CA10: variants seen among roughly 807,000 people sequenced by gnomAD.
CA10 encodes the protein carbonic anhydrase 10 (inactive).
Under a neutral mutation model 44.2 loss-of-function variants are expected in CA10, and 14 were observed. That is an observed-to-expected ratio of 0.32 (90% CI 0.21 to 0.50). CA10 has a LOEUF of 0.50. Ranked by LOEUF, CA10 falls within the 20% of genes least tolerant of loss-of-function variation. CA10 has a pLI of 0.99. For synonymous variants in CA10, 159 were observed against 141.6 expected (o/e 1.12, Z -0.87); for missense variants, 350 against 409.7 (o/e 0.85, Z 1.26).
intron 2 of CA10, among the ~76,000 whole-genome samples, chr17:51,959,524 C>T (rs1165161099): frequency 6.6e-6 from 1 of 151,832 alleles, no homozygotes; most frequent in African/African-American, 2.4e-5. Flanking sequence ...AAAAAGTACA[C>T]CTAATTTTGT....
In CA10 at chr17:51,919,712, C is replaced by A. The variant is rs187286436; in HGVS notation, c.279+11278G>T. The stretch of plus-strand genomic sequence containing the variant: ...TGTCGCCCAGGTTGGAGTGCAGTGG[C>A]ACGATCTCTGCTCACTGCAACCTCC... On this transcript the variant is annotated intron_variant, in intron 3 of 8. Coordinates refer to ENST00000451037, the MANE Select transcript of CA10 (RefSeq NM_020178.5). Among the ~76,000 whole-genome samples, 323 of 152,260 alleles carry A rather than the reference C, an allele frequency of 2.1e-3. 5 individuals carry two copies. The highest frequency in any genetic ancestry group is 0.021 in the Admixed American group (316 of 15,298).
At chr17:51,682,847 C>T (rs1227046784) in intron 4 of CA10, among the ~76,000 whole-genome samples, 2 of 152,182 alleles carry the variant, frequency 1.3e-5, no homozygotes, top group African/African-American at 4.8e-5. Context: ...GTAGCAGGCA[C>T]AGTGGCGGGT....
intron 2 of CA10, among the ~76,000 whole-genome samples, chr17:51,937,491 G>A (rs1379177650): frequency 2.0e-5 from 3 of 152,180 alleles, no homozygotes; most frequent in Admixed American, 6.5e-5. Flanking sequence ...GCACATGGAG[G>A]GTCTTTAACT....
intron 2 of CA10, among the ~76,000 whole-genome samples, chr17:52,022,410 A>C (rs9910040): frequency 0.33 from 50,080 of 151,992 alleles, 10,036 homozygotes; most frequent in East Asian, 0.74. Context: ...ACATCCCTTC[A>C]TGATAAAAAC....
intron 1 of CA10, among the ~76,000 whole-genome samples, chr17:52,141,207 A>AG (rs1989472541): frequency 6.6e-6 from 1 of 152,132 alleles, no homozygotes; most frequent in African/African-American, 2.4e-5. Context: ...GAGCTACTCT[A>AG]AGCTCCTCTG....
rs181602475 is a variant in CA10, at chr17:51,692,277, T to C, written c.466-38541A>G. 4.8e-3 allele frequency among the ~76,000 whole-genome samples: 718 copies of C among 150,676 alleles called. 9 individuals are homozygous for C. The highest frequency in any genetic ancestry group is 0.017 in the African/African-American group (680 of 40,928). ...TGGTAGCTATTGTAAATGGGATTGA[T>C]TTCTTGATTCCTTTTTCAGATTGAT... On this transcript the variant is annotated intron_variant, in intron 4 of 8. Coordinates refer to ENST00000451037, the MANE Select transcript of CA10 (RefSeq NM_020178.5).
At chr17:51,942,537 A>ATT (rs201549820) in intron 2 of CA10, among the ~76,000 whole-genome samples, 3 of 71,494 alleles carry the variant, frequency 4.2e-5, no homozygotes, top group Admixed American at 1.3e-4. Flanking sequence ...TCTTGCAGGC[A>ATT]TTATATATAT....
intron 3 of CA10, among the ~76,000 whole-genome samples, chr17:51,802,593 C>G (rs534878940): frequency 3.5e-5 from 5 of 142,790 alleles, no homozygotes; most frequent in African/African-American, 1.3e-4. Flanking sequence ...AAAAAACAAC[C>G]AGAAGCACTC....
chr17:52,079,722 T>C (rs1162957586), intron 1 of CA10, among the ~76,000 whole-genome samples: 1 of 151,990 alleles, frequency 6.6e-6, no homozygotes, highest in Admixed American at 6.6e-5. Flanking sequence ...GATGGAAGAG[T>C]ACCAGGAGCT....
intron 2 of CA10, among the ~76,000 whole-genome samples, chr17:52,021,169 G>T (rs963822515): frequency 2.0e-5 from 3 of 152,050 alleles, no homozygotes; most frequent in African/African-American, 7.2e-5. Context: ...CATTTTTTAA[G>T]AATTAAAGCG....
At chr17:52,036,147 G>A (rs989897675) in intron 2 of CA10, among the ~76,000 whole-genome samples, 2 of 152,168 alleles carry the variant, frequency 1.3e-5, no homozygotes, top group African/African-American at 4.8e-5. Flanking sequence ...ATGTGGGGGT[G>A]TCCACCGTTA....
At chr17:51,665,115 C>G (rs9890118) in intron 4 of CA10, among the ~76,000 whole-genome samples, 97,921 of 152,062 alleles carry the variant, frequency 0.64, 31,779 homozygotes, top group Middle Eastern at 0.68. Context: ...TATTAGATAA[C>G]AGAGGAGGGT....
chr17:51,972,020 T>A (rs190578974), intron 2 of CA10, among the ~76,000 whole-genome samples: 1,647 of 152,130 alleles, frequency 0.011, 11 homozygotes, highest in Non-Finnish European at 0.014. Context: ...ACAATTTTTT[T>A]AATTTCAAAT....
intron 2 of CA10, among the ~76,000 whole-genome samples, chr17:52,055,963 A>C (rs1000210118): frequency 6.6e-6 from 1 of 152,090 alleles, no homozygotes; most frequent in African/African-American, 2.4e-5. Flanking sequence ...AAGCTGACCA[A>C]ATTCTTGGAA....
At chr17:52,007,293 A>T (rs1483169472) in intron 2 of CA10, among the ~76,000 whole-genome samples, 19 of 151,572 alleles carry the variant, frequency 1.3e-4, no homozygotes, top group Admixed American at 1.3e-3. Context: ...GTAGCCTTGA[A>T]TATCTTATAT....
At chr17:51,699,323 CA>C (rs35215515) in intron 4 of CA10, among the ~76,000 whole-genome samples, 2,832 of 128,738 alleles carry the variant, frequency 0.022, 69 homozygotes, top group African/African-American at 0.07. Flanking sequence ...AACTCCATCT[CA>C]AAAAAAAAAA....
intron 4 of CA10, among the ~76,000 whole-genome samples, chr17:51,733,258 C>T (rs751423451): frequency 6.6e-6 from 1 of 152,166 alleles, no homozygotes; most frequent in Non-Finnish European, 1.5e-5. Flanking sequence ...ACCTGGTCCT[C>T]CCCAAATTGC....
chr17:51,703,815 C>T lies in CA10; in HGVS notation c.465+43818G>A, dbSNP rs75211366. Among the ~76,000 whole-genome samples the T allele has an allele frequency of 6.8e-3, 1,043 of 152,274 alleles. 16 individuals carry two copies. The highest frequency in any genetic ancestry group is 0.024 in the African/African-American group (1,006 of 41,562). On this transcript the variant is annotated intron_variant, in intron 4 of 8. Coordinates refer to ENST00000451037, the MANE Select transcript of CA10 (RefSeq NM_020178.5). ...ATTTGGAAAGTTAGCAAGCTAGGCT[C>T]CTTTCCAGGAAAAATAAGGAGTCAG... is the stretch of plus-strand genomic sequence containing the variant.
At chr17:51,926,494 T>G (rs1291102011) in intron 3 of CA10, among the ~76,000 whole-genome samples, 1 of 152,172 alleles carries the variant, frequency 6.6e-6, no homozygotes, top group Non-Finnish European at 1.5e-5. Context: ...GAACTCAAAT[T>G]TATTATCTTA....
Sources: gnomAD v4.1 joint callset for allele counts (sites outside exome capture counted in the v4.1 genomes callset) on GRCh38, gnomAD v4.1.1 for gene constraint, MANE v1.5 for transcripts, NCBI Gene and HGNC (gene_info 2026-07-23, HGNC 2026-07-21) for gene names.